STPG4: variants seen among roughly 807,000 people sequenced by gnomAD.
The protein encoded by STPG4 is protein STPG4.
STPG4 carries 41 observed loss-of-function variants against 31.5 expected under a neutral mutation model. That is an observed-to-expected ratio of 1.30 (90% CI 1.01 to 1.69). The LOEUF (loss-of-function observed/expected upper bound fraction) is 1.69. Ranked by LOEUF, STPG4 falls within the 40% of genes most tolerant of loss-of-function variation. The pLI, the probability that STPG4 is intolerant of heterozygous loss-of-function variation, is 0.00. For missense variants in STPG4, 375 were observed against 293.4 expected (o/e 1.28, Z -2.03); for synonymous variants, 141 against 103.0 (o/e 1.37, Z -2.24).
intron 2 of STPG4, among the ~76,000 whole-genome samples, chr2:47,151,777 G>A (rs1573203937): frequency 6.6e-6 from 1 of 150,790 alleles, no homozygotes; most frequent in Non-Finnish European, 1.5e-5. Context: ...GTCCCACTCT[G>A]TCACCCAGGC....
rs115770660 is a variant in STPG4 at position 47,116,277 on chromosome 2, G to T, written c.519+13664C>A. Among the ~76,000 whole-genome samples the T allele has an allele frequency of 3.1e-3, 478 of 152,256 alleles. 3 individuals are homozygous for T. The highest frequency in any genetic ancestry group is 0.011 in the African/African-American group (439 of 41,544). The stretch of plus-strand genomic sequence containing the variant: ...CCCTAGGGCTCCCTGCAGATCTAAG[G>T]AATAGAAGGATATTCAAATTGCACA... On this transcript the variant is annotated intron_variant, in intron 5 of 6. Coordinates refer to ENST00000445927, the MANE Select transcript of STPG4 (RefSeq NM_001163561.2).
chr2:47,154,799 C>T (rs1040759665), intron 1 of STPG4, among the ~76,000 whole-genome samples: 4 of 152,132 alleles, frequency 2.6e-5, no homozygotes, highest in Admixed American at 2.6e-4. Context: ...CAAAACGTGT[C>T]TAGTAAAACT....
chr2:47,099,129 C>G (rs577882575), intron 5 of STPG4, among the ~76,000 whole-genome samples: 2 of 152,218 alleles, frequency 1.3e-5, no homozygotes, highest in Non-Finnish European at 2.9e-5. Context: ...TGATCACAAA[C>G]CTGCCCCACC....
intron 3 of STPG4, among the ~76,000 whole-genome samples, chr2:47,132,856 T>C (rs1686514197): frequency 6.6e-6 from 1 of 152,048 alleles, no homozygotes; most frequent in Admixed American, 6.5e-5. Flanking sequence ...AGCAGTCATT[T>C]ATTTATCTAT....
intron 3 of STPG4, among the ~76,000 whole-genome samples, chr2:47,140,894 C>CT (rs11379597): frequency 0.44 from 64,433 of 147,852 alleles, 14,002 homozygotes; most frequent in African/African-American, 0.48. Context: ...TTTCCAGGTA[C>CT]TTTTTTTTTT....
chr2:47,151,963 CTG>C (rs1558690382), intron 2 of STPG4, among the ~76,000 whole-genome samples: 2 of 150,558 alleles, frequency 1.3e-5, no homozygotes, highest in Non-Finnish European at 2.9e-5. Flanking sequence ...CAGGGTTTCA[CTG>C]TGTTAGCCAG....
intron 3 of STPG4, among the ~76,000 whole-genome samples, chr2:47,140,702 C>T (rs561405525): frequency 6.6e-6 from 1 of 152,294 alleles, no homozygotes; most frequent in East Asian, 1.9e-4. Context: ...GGAACTTCAA[C>T]TTCCAAGCTA....
intron 3 of STPG4, among the ~76,000 whole-genome samples, chr2:47,142,350 A>C (rs1423347373): frequency 6.6e-5 from 10 of 152,144 alleles, no homozygotes; most frequent in Admixed American, 5.9e-4. Flanking sequence ...CCATCTTCCA[A>C]GGCAATGCTA....
intron 1 of STPG4, among the ~76,000 whole-genome samples, chr2:47,153,570 T>G (rs1214881210): frequency 2.0e-5 from 3 of 152,222 alleles, no homozygotes; most frequent in African/African-American, 4.8e-5. Context: ...CTGGCCAACA[T>G]GTTGAAACCC....
intron 3 of STPG4, among the ~76,000 whole-genome samples, chr2:47,136,165 G>T (rs934666801): frequency 1.3e-5 from 2 of 150,820 alleles, no homozygotes; most frequent in African/African-American, 4.9e-5. Context: ...TTTTTTTTGA[G>T]ACAGAGTTTC....
At chr2:47,107,319 TGCGG>T (rs1323992921) in intron 5 of STPG4, among the ~76,000 whole-genome samples, 9 of 151,948 alleles carry the variant, frequency 5.9e-5, no homozygotes, top group African/African-American at 2.2e-4. Flanking sequence ...GCGTGGTGCT[TGCGG>T]GCCAGCTGGA....
At chr2:47,114,473 C>T (rs1686104915) in intron 5 of STPG4, among the ~76,000 whole-genome samples, 1 of 152,114 alleles carries the variant, frequency 6.6e-6, no homozygotes, top group African/African-American at 2.4e-5. Context: ...CATGACTGCA[C>T]TCCCGCCTGG....
chr2:47,145,194 A>G (rs1324019923), intron 3 of STPG4, among the ~76,000 whole-genome samples: 1 of 152,238 alleles, frequency 6.6e-6, no homozygotes, highest in Non-Finnish European at 1.5e-5. Context: ...CTGAGTTTAA[A>G]GGAACTTCAG....
rs1686965162 is a variant in STPG4, at chr2:47,152,899, T to C, written c.141+58A>G. The C allele has an allele frequency of 3.1e-6, 4 of 1,271,534 alleles. No individual in the cohort carries two copies. The South Asian group carries it at 5.7e-5, about 18-fold the overall frequency. 78.8% of individuals were successfully genotyped at this position (1,271,534 alleles called of 1,614,324 possible). On this transcript the variant is annotated intron_variant, in intron 2 of 6. Coordinates refer to ENST00000445927, the MANE Select transcript of STPG4 (RefSeq NM_001163561.2). ...TGTTAGTCTTAAAAGCTATAATTGA[T>C]TAAAATATTAATGGAATAGGAATAA... is the stretch of plus-strand genomic sequence containing the variant.
At chr2:47,138,228 A>G (rs1051269790) in intron 3 of STPG4, among the ~76,000 whole-genome samples, 1 of 152,162 alleles carries the variant, frequency 6.6e-6, no homozygotes, top group African/African-American at 2.4e-5. Flanking sequence ...CATTTTTCTA[A>G]CAACACAGAT....
chr2:47,119,721 G>A (rs977856739), intron 5 of STPG4, among the ~76,000 whole-genome samples: 1 of 152,188 alleles, frequency 6.6e-6, no homozygotes, highest in African/African-American at 2.4e-5. Flanking sequence ...AGTGCAGTAA[G>A]ACCAGATACC....
chr2:47,132,832 A>G (rs1013472678), intron 3 of STPG4, among the ~76,000 whole-genome samples: 2 of 152,190 alleles, frequency 1.3e-5, no homozygotes, highest in Non-Finnish European at 2.9e-5. Flanking sequence ...TGAAAAGGGG[A>G]AAAAACCTCT....
intron 5 of STPG4, among the ~76,000 whole-genome samples, chr2:47,121,616 A>G (rs75776230): frequency 0.027 from 4,148 of 152,274 alleles, 192 homozygotes; most frequent in African/African-American, 0.094. Flanking sequence ...ACAAATTACT[A>G]CAAATTCAGT....
At chr2:47,137,022 A>G (rs1686610579) in intron 3 of STPG4, among the ~76,000 whole-genome samples, 1 of 152,116 alleles carries the variant, frequency 6.6e-6, no homozygotes, top group African/African-American at 2.4e-5. Context: ...TTCCACTACA[A>G]TGTTGAAAAG....
Sources: allele counts gnomAD v4.1 joint callset (sites outside exome capture counted in the v4.1 genomes callset), GRCh38; gene constraint gnomAD v4.1.1; transcripts MANE v1.5; gene names NCBI Gene and HGNC (gene_info 2026-07-23, HGNC 2026-07-21).